ALPK1: variants seen among roughly 807,000 people sequenced by gnomAD.
ALPK1 encodes alpha-protein kinase 1.
A neutral mutation model predicts 120.6 loss-of-function variants in ALPK1; 110 were observed. The ratio of observed to expected loss-of-function variants is 0.91; its 90% CI spans 0.78 to 1.07. The LOEUF is 1.07. Among genes scored for constraint, ALPK1 ranks in the 50% least tolerant of loss-of-function variants. The pLI is 0.00. For synonymous variants in ALPK1, 582 were observed against 560.3 expected, an observed-to-expected ratio of 1.04 and a Z score of -0.55; for missense variants, 1,498 against 1,483.9, an observed-to-expected ratio of 1.01 and a Z score of -0.16.
At chr4:112,406,381 G>A (rs1733173760) in intron 4 of ALPK1, among the ~76,000 whole-genome samples, 1 of 152,204 alleles carries the variant, frequency 6.6e-6, no homozygotes, top group African/African-American at 2.4e-5. Flanking sequence ...AAAGACTAAT[G>A]CTGTATGATT....
At chr4:112,313,112 T>G (rs946910639) in intron 1 of ALPK1, among the ~76,000 whole-genome samples, 1 of 152,194 alleles carries the variant, frequency 6.6e-6, no homozygotes, top group Non-Finnish European at 1.5e-5. Flanking sequence ...AATATGCATC[T>G]GAAGTTTAAG....
chr4:112,417,620 G>C (rs111835235), intron 5 of ALPK1, among the ~76,000 whole-genome samples: 5 of 152,176 alleles, frequency 3.3e-5, no homozygotes, highest in Admixed American at 1.3e-4. Flanking sequence ...CAAGTAGCTG[G>C]GACTACAGGC....
rs117827717 is a variant in ALPK1 at position 112,318,694 on chromosome 4, C to T, written c.-101+2842C>T. 5.8e-4 allele frequency among the ~76,000 whole-genome samples: 88 copies of T among 152,322 alleles called. No individual in the cohort carries two copies. In the East Asian group the frequency reaches 0.014, roughly 25 times the overall value. On this transcript the variant is annotated intron_variant, in intron 2 of 15. Coordinates refer to ENST00000650871, the MANE Select transcript of ALPK1 (RefSeq NM_025144.4). ...ACATTCATTCATTCATTTATGTGTCCATTCACACAGCTTCTACAGTGTGCT... is the reference window on the plus strand; with the variant it reads ...ACATTCATTCATTCATTTATGTGTCTATTCACACAGCTTCTACAGTGTGCT...
chr4:112,338,298 A>G (rs1234742121), intron 2 of ALPK1, among the ~76,000 whole-genome samples: 1 of 152,194 alleles, frequency 6.6e-6, no homozygotes, highest in African/African-American at 2.4e-5. Context: ...TTCATTCTCA[A>G]TGTTTTTTCC....
At chr4:112,330,162 G>A (rs1218380025) in intron 2 of ALPK1, among the ~76,000 whole-genome samples, 1 of 152,180 alleles carries the variant, frequency 6.6e-6, no homozygotes, top group African/African-American at 2.4e-5. Context: ...TGAGCTTCCA[G>A]ACAACCAAGT....
intron 4 of ALPK1, chr4:112,383,083 C>T (rs1731996150): frequency 1.3e-5 from 2 of 153,840 alleles, no homozygotes; most frequent in South Asian, 2.0e-4. Flanking sequence ...TATTTCTCAA[C>T]TCATTTATTG....
intron 1 of ALPK1, among the ~76,000 whole-genome samples, chr4:112,301,356 C>T (rs966599892): frequency 6.6e-6 from 1 of 152,188 alleles, no homozygotes; most frequent in African/African-American, 2.4e-5. Context: ...TACTCTAAAC[C>T]TACCCTCTTC....
rs77755370 is a variant in ALPK1, at chr4:112,435,770, G to A, written c.3188+469G>A. 6.2e-3 allele frequency among the ~76,000 whole-genome samples: 948 copies of A among 152,338 alleles called. 20 individuals are homozygous for A. In the East Asian group the frequency reaches 0.07, roughly 11 times the overall value. ...TGAACCCTTTAGGGATCCCGCATAG[G>A]CGTTTGAGGCAGGGGTGGAGTGAGG... is the stretch of plus-strand genomic sequence containing the variant. On this transcript the variant is annotated intron_variant, in intron 12 of 15. Coordinates refer to ENST00000650871, the MANE Select transcript of ALPK1 (RefSeq NM_025144.4).
chr4:112,357,353 C>A, intron 2 of ALPK1: 1 of 748,212 alleles, frequency 1.3e-6, no homozygotes, highest in Non-Finnish European at 2.3e-6. Flanking sequence ...CGAGAATGGC[C>A]CTGGTTCCCT....
intron 2 of ALPK1, among the ~76,000 whole-genome samples, chr4:112,324,735 C>T (rs1729030974): frequency 6.6e-6 from 1 of 152,078 alleles, no homozygotes; most frequent in Non-Finnish European, 1.5e-5. Flanking sequence ...CCTCAGCCTC[C>T]CAAAATGTTG....
At chr4:112,397,214 C>T (rs764987144) in intron 4 of ALPK1, among the ~76,000 whole-genome samples, 2 of 152,222 alleles carry the variant, frequency 1.3e-5, no homozygotes, top group Non-Finnish European at 2.9e-5. Flanking sequence ...CCTCTAGTAA[C>T]GGATTTCACT....
rs544814643 is a variant in ALPK1 at position 112,410,248 on chromosome 4, T to C, written c.277-1579T>C. Among the ~76,000 whole-genome samples the C allele has an allele frequency of 2.0e-4, 30 of 152,122 alleles. No individual in the cohort carries two copies. The South Asian group carries it at 6.2e-3, about 32-fold the overall frequency. ...AGCAGCTCCATCCGGTTTCCTAACA[T>C]AGAGTCAGGACAACAAGGGAGCATG... On this transcript the variant is annotated intron_variant, in intron 4 of 15. Transcript: ENST00000650871.
At chr4:112,384,536 A>C (rs773533469) in intron 4 of ALPK1, 3 of 152,220 alleles carry the variant, frequency 2.0e-5, no homozygotes, top group Non-Finnish European at 4.4e-5. Context: ...AGTGGCTATA[A>C]ATGTGAGACC....
rs995873539 is a variant in ALPK1 at position 112,320,794 on chromosome 4, A to T, written c.-101+4942A>T. On this transcript the variant is annotated intron_variant, in intron 2 of 15. Coordinates refer to ENST00000650871, the MANE Select transcript of ALPK1 (RefSeq NM_025144.4). Reference sequence around the variant, plus strand: ...GGTTGCATACTTCCAGAGAGTTATTAATCTCCTCTAGGTCTTCTAGTTCAT... The same window carrying T: ...GGTTGCATACTTCCAGAGAGTTATTTATCTCCTCTAGGTCTTCTAGTTCAT... Among the ~76,000 whole-genome samples, 7 of 151,952 alleles carry T rather than the reference A, an allele frequency of 4.6e-5. 1 individual carries two copies. Among genetic ancestry groups the T allele is most frequent in the Admixed American group, 1.3e-4 (2 of 15,248 alleles).
rs146312094 is a variant in ALPK1 at position 112,427,276 on chromosome 4, G to A, written c.700-294G>A. ...AATTTAAAAATATCTCCAAGTCAGG[G>A]TATTAATTATTACACAATGTATATA... On this transcript the variant is annotated intron_variant, in intron 8 of 15. Transcript: ENST00000650871. Among the ~76,000 whole-genome samples the A allele has an allele frequency of 2.6e-5, 4 of 152,074 alleles. No individual in the cohort carries two copies. In the South Asian group the frequency reaches 8.3e-4, roughly 32 times the overall value.
chr4:112,351,445 C>A (rs1320276522), intron 2 of ALPK1, among the ~76,000 whole-genome samples: 2 of 151,670 alleles, frequency 1.3e-5, no homozygotes, highest in Admixed American at 1.3e-4. Context: ...CTAAAATATA[C>A]TTTGCTTTAA....
intron 2 of ALPK1, among the ~76,000 whole-genome samples, chr4:112,359,992 G>C (rs1730842081): frequency 6.6e-6 from 1 of 152,148 alleles, no homozygotes; most frequent in African/African-American, 2.4e-5. Context: ...ATTAACTATA[G>C]TCACCAGATA....
At chr4:112,352,270 T>G (rs574323942) in intron 2 of ALPK1, among the ~76,000 whole-genome samples, 1 of 152,336 alleles carries the variant, frequency 6.6e-6, no homozygotes, top group African/African-American at 2.4e-5. Context: ...TAGATTTAAA[T>G]AGAAAAACAT....
intron 5 of ALPK1, among the ~76,000 whole-genome samples, chr4:112,418,336 A>G (rs999115478): frequency 2.0e-5 from 3 of 152,228 alleles, no homozygotes; most frequent in African/African-American, 7.2e-5. Flanking sequence ...AGCTGCCTTT[A>G]CAGAGTGCCA....
Sources: gnomAD v4.1 joint callset for allele counts (sites outside exome capture counted in the v4.1 genomes callset) on GRCh38, gnomAD v4.1.1 for gene constraint, MANE v1.5 for transcripts, NCBI Gene and HGNC (gene_info 2026-07-23, HGNC 2026-07-21) for gene names.